The following RSU1 variants were observed in gnomAD, a reference collection of about 807,000 sequenced individuals.
The protein encoded by RSU1 is rsu-1.
RSU1 carries 26 observed loss-of-function variants against 31.1 expected under a neutral mutation model. The ratio of observed to expected loss-of-function variants is 0.84; its 90% CI spans 0.61 to 1.16. The LOEUF (loss-of-function observed/expected upper bound fraction) is 1.16, where lower values mean the gene tolerates loss of function less well. Ranked by LOEUF, RSU1 falls within the 50% of genes most tolerant of loss-of-function variation. RSU1 has a pLI of 0.00. For missense variants in RSU1, 320 were observed against 339.1 expected (o/e 0.94, Z 0.44); for synonymous variants, 164 against 136.3 (o/e 1.20, Z -1.41).
At position 16,596,064 on chromosome 10, in the gene RSU1, C is replaced by T. The variant is rs75551747; in HGVS notation, c.732-2568G>A. 3.0e-3 allele frequency among the ~76,000 whole-genome samples: 459 copies of T among 152,210 alleles called. 3 individuals carry two copies. The highest frequency in any genetic ancestry group is 9.0e-3 in the African/African-American group (374 of 41,546). ...AAAGGGTCACGGGTCCCCCTGAAGA[C>T]GAGGCCATGGGCACCTGGGGGTCCT... On this transcript the variant is annotated intron_variant, in intron 8 of 8. Coordinates refer to ENST00000345264, the MANE Select transcript of RSU1 (RefSeq NM_012425.4).
chr10:16,771,128 T>A (rs1446747606), intron 3 of RSU1, among the ~76,000 whole-genome samples: 4 of 152,330 alleles, frequency 2.6e-5, no homozygotes, highest in Non-Finnish European at 5.9e-5. Flanking sequence ...GATAACTTAG[T>A]ATGTTACATT....
At chr10:16,715,386 C>T (rs751875212) in intron 7 of RSU1, among the ~76,000 whole-genome samples, 3 of 152,156 alleles carry the variant, frequency 2.0e-5, no homozygotes, top group Non-Finnish European at 4.4e-5. Flanking sequence ...TAAAGTCCAA[C>T]GTCTTGAAGA....
chr10:16,710,897 A>T (rs1235193692), intron 7 of RSU1, among the ~76,000 whole-genome samples: 1 of 152,106 alleles, frequency 6.6e-6, no homozygotes, highest in African/African-American at 2.4e-5. Flanking sequence ...ACTCCCACTT[A>T]TCAGTGAGAA....
intron 2 of RSU1, among the ~76,000 whole-genome samples, chr10:16,800,808 G>A (rs149561544): frequency 3.4e-4 from 51 of 152,222 alleles, no homozygotes; most frequent in African/African-American, 1.2e-3. Context: ...TCATTAAGAA[G>A]TTTTTATTCC....
intron 8 of RSU1, among the ~76,000 whole-genome samples, chr10:16,664,819 A>G (rs979173414): frequency 1.3e-5 from 2 of 152,212 alleles, no homozygotes; most frequent in African/African-American, 2.4e-5. Flanking sequence ...TCTCTTTACC[A>G]TATATTCTTG....
At chr10:16,804,349 C>G (rs1455426643) in intron 2 of RSU1, among the ~76,000 whole-genome samples, 1 of 152,218 alleles carries the variant, frequency 6.6e-6, no homozygotes, top group African/African-American at 2.4e-5. Flanking sequence ...CAACAGGAAA[C>G]CTCATTCTTT....
intron 8 of RSU1, among the ~76,000 whole-genome samples, chr10:16,683,190 T>C (rs968560612): frequency 1.3e-5 from 2 of 150,862 alleles, no homozygotes; most frequent in African/African-American, 4.9e-5. Context: ...TGTGTTGTGG[T>C]AGGGGTGTGG....
At chr10:16,659,583 G>A (rs1459354819) in intron 8 of RSU1, among the ~76,000 whole-genome samples, 4 of 152,040 alleles carry the variant, frequency 2.6e-5, no homozygotes, top group Non-Finnish European at 5.9e-5. Flanking sequence ...TTTTTATCCT[G>A]TTCCATTGGT....
chr10:16,742,473 C>G (rs904371378), intron 7 of RSU1, among the ~76,000 whole-genome samples: 6 of 151,918 alleles, frequency 3.9e-5, no homozygotes, highest in African/African-American at 7.3e-5. Context: ...TCAGTATAAC[C>G]TTGCTTTTTT....
At chr10:16,658,959 A>G (rs1276081865) in intron 8 of RSU1, among the ~76,000 whole-genome samples, 4 of 152,180 alleles carry the variant, frequency 2.6e-5, no homozygotes, top group Admixed American at 6.5e-5. Context: ...TACATATAAA[A>G]TGCTGTCACA....
chr10:16,769,166 T>C (rs1209633895), intron 3 of RSU1, among the ~76,000 whole-genome samples: 1 of 152,222 alleles, frequency 6.6e-6, no homozygotes, highest in African/African-American at 2.4e-5. Context: ...GCAGTTTCAA[T>C]TCTGTTGAAT....
intron 8 of RSU1, among the ~76,000 whole-genome samples, chr10:16,626,071 G>T (rs1339350260): frequency 3.3e-5 from 5 of 151,496 alleles, no homozygotes; most frequent in East Asian, 3.9e-4. Flanking sequence ...TTGAGACAAG[G>T]TCTCACTCCG....
chr10:16,685,534 C>T lies in RSU1; in HGVS notation c.731+9489G>A, dbSNP rs568319265. Reference sequence around the variant, plus strand: ...TTATTCATTCCTCTCCTTTCTAGACCATATAGGGTAACTTCCTGACATTGC... The same window carrying T: ...TTATTCATTCCTCTCCTTTCTAGACTATATAGGGTAACTTCCTGACATTGC... On this transcript the variant is annotated intron_variant, in intron 8 of 8. Transcript: ENST00000345264. Among the ~76,000 whole-genome samples, 28 of 151,512 alleles carry T rather than the reference C, an allele frequency of 1.8e-4. No homozygotes were observed. The East Asian group carries it at 3.3e-3, about 18-fold the overall frequency.
rs532393384 is a variant in RSU1 at position 16,618,665 on chromosome 10, A to ATC, written c.732-25170_732-25169insGA. ...ATACACCCATAAAAAAGAATGAGTTAAAGTCCTTTGCAGGGACATGGATGA... is the reference window on the plus strand; with the variant it reads ...ATACACCCATAAAAAAGAATGAGTTATCAAGTCCTTTGCAGGGACATGGATGA... On this transcript the variant is annotated intron_variant, in intron 8 of 8. Transcript: ENST00000345264. Among the ~76,000 whole-genome samples the ATC allele has an allele frequency of 2.0e-5, 3 of 152,294 alleles. No homozygotes were observed. The South Asian group carries it at 6.2e-4, about 32-fold the overall frequency.
intron 7 of RSU1, among the ~76,000 whole-genome samples, chr10:16,709,366 GT>G (rs1466208228): frequency 6.6e-6 from 1 of 152,132 alleles, no homozygotes. Flanking sequence ...TGGTGTATAT[GT>G]GCCACATTTT....
intron 3 of RSU1, among the ~76,000 whole-genome samples, chr10:16,781,022 G>A (rs776088552): frequency 9.9e-5 from 15 of 152,120 alleles, no homozygotes; most frequent in African/African-American, 3.1e-4. Flanking sequence ...CTGTGACATC[G>A]CTTCAAGCTG....
At chr10:16,631,664 T>C (rs1208721725) in intron 8 of RSU1, among the ~76,000 whole-genome samples, 3 of 152,234 alleles carry the variant, frequency 2.0e-5, no homozygotes, top group Non-Finnish European at 4.4e-5. Flanking sequence ...AAGAGGATTT[T>C]ACCTGGTGGG....
chr10:16,609,588 G>A (rs1833861682), intron 8 of RSU1, among the ~76,000 whole-genome samples: 1 of 152,210 alleles, frequency 6.6e-6, no homozygotes, highest in African/African-American at 2.4e-5. Context: ...CCCGTACGAC[G>A]ACACTGGATG....
chr10:16,768,557 C>T (rs1837364616), intron 3 of RSU1, among the ~76,000 whole-genome samples: 1 of 152,168 alleles, frequency 6.6e-6, no homozygotes, highest in Non-Finnish European at 1.5e-5. Context: ...GATCACAGGA[C>T]TGCTGGGGAC....
Sources: gnomAD v4.1 joint callset for allele counts (sites outside exome capture counted in the v4.1 genomes callset) on GRCh38, gnomAD v4.1.1 for gene constraint, MANE v1.5 for transcripts, NCBI Gene and HGNC (gene_info 2026-07-23, HGNC 2026-07-21) for gene names.